PRKDC: variants seen among roughly 807,000 people sequenced by gnomAD.
PRKDC encodes DNA-dependent protein kinase catalytic subunit.
Under a neutral mutation model 486.9 loss-of-function variants are expected in PRKDC, and 82 were observed. The observed-to-expected ratio is 0.17, with a 90% CI of 0.14 to 0.20. The LOEUF (loss-of-function observed/expected upper bound fraction) is 0.20. Among genes scored for constraint, PRKDC ranks in the 10% least tolerant of loss-of-function variants. The pLI is 1.00. For missense variants in PRKDC, 4,504 were observed against 5,038.2 expected, an observed-to-expected ratio of 0.89 and a Z score of 3.21; for synonymous variants, 1,895 against 1,837.0, an observed-to-expected ratio of 1.03 and a Z score of -0.81.
At chr8:47,902,913 G>A in intron 26 of PRKDC, 118 bp from the exon 27 acceptor site, 2 of 666,004 alleles carry the variant, frequency 3.0e-6, no homozygotes, top group Non-Finnish European at 4.5e-6. Flanking sequence ...TATAGCACTA[G>A]TCAAGAAAAA....
intron 40 of PRKDC, among the ~76,000 whole-genome samples, chr8:47,876,497 AC>A (rs2089095111): frequency 6.6e-6 from 1 of 152,038 alleles, no homozygotes; most frequent in African/African-American, 2.4e-5. Flanking sequence ...CCCCGTCTCT[AC>A]TAAAAATACA....
intron 76 of PRKDC, 83 bp downstream of exon 76, chr8:47,788,823 C>T (rs992464986): frequency 8.0e-6 from 10 of 1,254,772 alleles, no homozygotes; most frequent in Admixed American, 6.0e-5. Context: ...ACATTTAATA[C>T]AAATATTATT....
At chr8:47,785,984 T>C (rs1194922126) in intron 76 of PRKDC, among the ~76,000 whole-genome samples, 2 of 151,804 alleles carry the variant, frequency 1.3e-5, no homozygotes, top group Non-Finnish European at 2.9e-5. Context: ...CTCATGCCTG[T>C]AATCCCAGCT....
At chr8:47,852,817 A>G (rs1360464801) in intron 51 of PRKDC, 33 bp from the exon 52 acceptor site, 35 of 1,313,646 alleles carry the variant, frequency 2.7e-5, no homozygotes, top group Non-Finnish European at 3.5e-5. Context: ...ATATGCATCA[A>G]ATAAACCATT....
intron 85 of PRKDC, 44 bp downstream of exon 85, chr8:47,776,800 C>T (rs1169534077): frequency 6.2e-7 from 1 of 1,607,992 alleles, no homozygotes; most frequent in Admixed American, 1.7e-5. Context: ...GAAACAGTAG[C>T]ATGTCGGTAG....
At chr8:47,837,742 A>C (rs2088059875) in intron 56 of PRKDC, among the ~76,000 whole-genome samples, 1 of 152,230 alleles carries the variant, frequency 6.6e-6, no homozygotes, top group Non-Finnish European at 1.5e-5. Flanking sequence ...AAACAAAAAA[A>C]AAAAATTTAA....
chr8:47,815,417 A>AT (rs1310105860), intron 68 of PRKDC, among the ~76,000 whole-genome samples: 1 of 152,178 alleles, frequency 6.6e-6, no homozygotes, highest in East Asian at 1.9e-4. Context: ...ATTTACAAAA[A>AT]TTTTCTTCCA....
chr8:47,886,651 C>CA (rs1191785537), intron 35 of PRKDC, among the ~76,000 whole-genome samples: 1 of 151,776 alleles, frequency 6.6e-6, no homozygotes, highest in Non-Finnish European at 1.5e-5. Flanking sequence ...CTTGGCCTCT[C>CA]AAAGTGCTAG....
intron 17 of PRKDC, 140 bp downstream of exon 17, chr8:47,930,532 A>C (rs28698766): frequency 2.6e-6 from 2 of 770,138 alleles, no homozygotes; most frequent in African/African-American, 3.6e-5. Context: ...TCGGCCTCCC[A>C]AAGTGCTGGG....
intron 25 of PRKDC, among the ~76,000 whole-genome samples, chr8:47,906,732 G>A (rs2089790028): frequency 6.6e-6 from 1 of 151,308 alleles, no homozygotes; most frequent in Admixed American, 6.9e-5. Flanking sequence ...GGAGTACTGA[G>A]CCATCCAGGA....
rs1169221746 is a variant in PRKDC at position 47,780,258 on chromosome 8, A to C, written c.11490-1165T>G. On this transcript the variant is annotated intron_variant, in intron 80 of 85. Transcript: ENST00000314191. The stretch of plus-strand genomic sequence containing the variant: ...ATATTTCCAATAGGTAGATATACAC[A>C]CAATCCATAGTAAGTATGAGAAAAT... Among the ~76,000 whole-genome samples the C allele has an allele frequency of 2.0e-5, 3 of 152,178 alleles. No homozygotes were observed. The East Asian group carries it at 5.8e-4, about 29-fold the overall frequency.
chr8:47,818,545 C>CT (rs1291710309), intron 67 of PRKDC, among the ~76,000 whole-genome samples: 1 of 134,982 alleles, frequency 7.4e-6, no homozygotes, highest in Non-Finnish European at 1.5e-5. Flanking sequence ...CGCCACTGCA[C>CT]TCCAGCCTGC....
At chr8:47,900,289 T>C in intron 28 of PRKDC, 84 bp downstream of exon 28, 1 of 954,062 alleles carries the variant, frequency 1.0e-6, no homozygotes, top group Non-Finnish European at 1.4e-6. Context: ...AAAAACCTTA[T>C]AAGAGAATCA....
intron 49 of PRKDC, among the ~76,000 whole-genome samples, chr8:47,856,594 A>G (rs2088546746): frequency 6.6e-6 from 1 of 152,186 alleles, no homozygotes; most frequent in East Asian, 1.9e-4. Context: ...AAACGTTTGT[A>G]TGCTGTCAGT....
chr8:47,880,007 G>A (rs1228811767), intron 38 of PRKDC, among the ~76,000 whole-genome samples: 1 of 151,886 alleles, frequency 6.6e-6, no homozygotes, highest in Non-Finnish European at 1.5e-5. Context: ...CACTATGCCT[G>A]GCTAATTCTT....
intron 4 of PRKDC, among the ~76,000 whole-genome samples, chr8:47,955,290 G>A (rs1292260098): frequency 5.3e-5 from 8 of 150,762 alleles, no homozygotes; most frequent in Non-Finnish European, 8.9e-5. Context: ...GTGAAACCTC[G>A]TCTCTACTAA....
Position 47,799,203 on chromosome 8 carries a change from A to C in PRKDC, c.10297+7T>G. ...ATGGAACACTAGCTTTTTAATTTTCAATTCACCTGATGCATTCTCTTCCTC... is the reference window on the plus strand; with the variant it reads ...ATGGAACACTAGCTTTTTAATTTTCCATTCACCTGATGCATTCTCTTCCTC... On this transcript the variant is annotated splice_region_variant and intron_variant, in intron 72 of 85. Transcript: ENST00000314191. 2 of 1,613,708 alleles carry C rather than the reference A, an allele frequency of 1.2e-6. No homozygotes were observed. Among genetic ancestry groups the C allele is most frequent in the Non-Finnish European group, 1.7e-6 (2 of 1,179,858 alleles).
At chr8:47,957,014 C>T (rs1229039912) in intron 3 of PRKDC, among the ~76,000 whole-genome samples, 157 bp downstream of exon 3, 1 of 149,274 alleles carries the variant, frequency 6.7e-6, no homozygotes, top group South Asian at 2.1e-4. Context: ...TAATGAAGAG[C>T]CCACTTCATT....
In PRKDC at chr8:47,900,446, T is replaced by C. The variant is rs777011475; in HGVS notation, c.3291A>G (p.Glu1097=). The change falls in exon 28 of 86, where the codon GAA becomes GAG. Residue 1097 remains glutamate (E), a synonymous_variant. Coordinates refer to ENST00000314191, the MANE Select transcript of PRKDC (RefSeq NM_006904.7). ...REFREEESLV[E]QFVFEALVIY... Reference sequence around the variant, plus strand: ...TCACCAAGGCTTCAAACACAAACTGTTCCACCAGAGACTCTTCTTCCCTGT... The same window carrying C: ...TCACCAAGGCTTCAAACACAAACTGCTCCACCAGAGACTCTTCTTCCCTGT... The C allele has an allele frequency of 3.5e-5, 56 of 1,610,166 alleles. No homozygotes were observed. Among genetic ancestry groups the C allele is most frequent in the Non-Finnish European group, 4.7e-5 (55 of 1,178,344 alleles).
Sources: allele counts gnomAD v4.1 joint callset (sites outside exome capture counted in the v4.1 genomes callset), GRCh38; gene constraint gnomAD v4.1.1; transcripts MANE v1.5; gene names NCBI Gene and HGNC (gene_info 2026-07-23, HGNC 2026-07-21).